Variants in FOXP2 observed in about 807,000 individuals in gnomAD.
FOXP2 encodes the protein forkhead box P2, also known as forkhead box protein P2.
In FOXP2, 12 loss-of-function variants were observed where a neutral mutation model predicts 115.8. The ratio of observed to expected loss-of-function variants is 0.10; its 90% CI spans 0.07 to 0.17. The LOEUF (loss-of-function observed/expected upper bound fraction) is 0.17. Among genes scored for constraint, FOXP2 ranks in the 10% least tolerant of loss-of-function variants. The pLI, the probability that FOXP2 is intolerant of heterozygous loss-of-function variation, is 1.00. For missense variants in FOXP2, 629 were observed against 843.5 expected (o/e 0.75, Z 3.15); for synonymous variants, 328 against 297.7 (o/e 1.10, Z -1.05).
At chr7:114,363,243 G>T (rs1791793870) in intron 2 of FOXP2, among the ~76,000 whole-genome samples, 2 of 152,064 alleles carry the variant, frequency 1.3e-5, no homozygotes, top group Admixed American at 6.6e-5. Context: ...TAGAAGTGTG[G>T]AAGAGAAGAC....
intron 3 of FOXP2, among the ~76,000 whole-genome samples, chr7:114,605,181 C>T (rs1292060455): frequency 6.6e-6 from 1 of 152,124 alleles, no homozygotes; most frequent in Non-Finnish European, 1.5e-5. Flanking sequence ...CTCACATTTA[C>T]ATGTTTTTTT....
At position 114,628,694 on chromosome 7, in the gene FOXP2, G is replaced by T. The variant is rs1210788372; in HGVS notation, c.396+17G>T. The T allele has an allele frequency of 5.0e-6, 8 of 1,613,754 alleles. No individual in the cohort carries two copies. The South Asian group carries it at 6.6e-5, about 13-fold the overall frequency. On this transcript the variant is annotated intron_variant, in intron 4 of 16. Transcript: ENST00000350908. ...CTGCAGCAGGTAATGTGGGTTACCTGCTTTGGTGTTCTAGCATGACTTAGA... is the reference window on the plus strand; with the variant it reads ...CTGCAGCAGGTAATGTGGGTTACCTTCTTTGGTGTTCTAGCATGACTTAGA...
chr7:114,627,087 G>T (rs1804630524), intron 3 of FOXP2, among the ~76,000 whole-genome samples: 2 of 150,992 alleles, frequency 1.3e-5, no homozygotes, highest in African/African-American at 2.4e-5. Flanking sequence ...GAAAGGTTTT[G>T]ATTTATTTAG....
intron 10 of FOXP2, among the ~76,000 whole-genome samples, chr7:114,654,484 C>G (rs1383492734): frequency 6.6e-6 from 1 of 151,972 alleles, no homozygotes; most frequent in Non-Finnish European, 1.5e-5. Flanking sequence ...TGTCCTATTT[C>G]TTTGGTTATT....
chr7:114,362,982 T>G (rs1247315907), intron 2 of FOXP2, among the ~76,000 whole-genome samples: 1 of 152,030 alleles, frequency 6.6e-6, no homozygotes, highest in African/African-American at 2.4e-5. Context: ...TCAACATTTC[T>G]CAATGACTTT....
intron 1 of FOXP2, among the ~76,000 whole-genome samples, chr7:114,198,620 G>A (rs535824237): frequency 6.6e-6 from 1 of 152,158 alleles, no homozygotes; most frequent in Non-Finnish European, 1.5e-5. Context: ...GTGGTAAATG[G>A]TCACTTGGCG....
At chr7:114,199,493 G>A (rs138315039) in intron 1 of FOXP2, among the ~76,000 whole-genome samples, 168 of 152,256 alleles carry the variant, frequency 1.1e-3, no homozygotes, top group Non-Finnish European at 1.6e-3. Flanking sequence ...TGTCAACAAT[G>A]TGGAAGCATT....
intron 1 of FOXP2, among the ~76,000 whole-genome samples, chr7:114,186,197 C>T (rs919156375): frequency 1.3e-5 from 2 of 152,116 alleles, no homozygotes; most frequent in Admixed American, 6.5e-5. Context: ...TAACGTCCTT[C>T]TAACATACAA....
intron 3 of FOXP2, among the ~76,000 whole-genome samples, chr7:114,612,613 C>A (rs1285994934): frequency 5.9e-5 from 9 of 151,540 alleles, no homozygotes; most frequent in Admixed American, 2.6e-4. Context: ...GGAAGCCTGA[C>A]TCTAAATTAG....
At chr7:114,145,495 T>C (rs891036465) in intron 1 of FOXP2, among the ~76,000 whole-genome samples, 1 of 144,968 alleles carries the variant, frequency 6.9e-6, no homozygotes, top group African/African-American at 2.6e-5. Flanking sequence ...TCTTTTCTTT[T>C]CTTTCCTTTT....
intron 2 of FOXP2, among the ~76,000 whole-genome samples, chr7:114,357,711 A>C (rs868630974): frequency 6.6e-6 from 1 of 152,126 alleles, no homozygotes; most frequent in South Asian, 2.1e-4. Context: ...GTTGTCAAAT[A>C]CTTTAACTCC....
In FOXP2 at chr7:114,692,262, A is replaced by G. The variant is rs1162016831; in HGVS notation, c.*2336A>G. ...AAGACTACAATGCTAAAGTATGCAT[A>G]CCTCAGTTAGAAAACTTTTGAAAGG... On this transcript the variant is annotated 3_prime_UTR_variant, in exon 17 of 17. Transcript: ENST00000350908. 4.4e-6 allele frequency: 2 copies of G among 453,874 alleles called. No individual in the cohort carries two copies. The highest frequency in any genetic ancestry group is 2.0e-5 in the African/African-American group (1 of 49,984). The allele number at this position is 453,874 out of a possible 1,614,324, so 28.1% of individuals were successfully genotyped here.
intron 1 of FOXP2, among the ~76,000 whole-genome samples, chr7:114,222,751 A>C (rs1794655325): frequency 6.6e-6 from 1 of 152,184 alleles, no homozygotes; most frequent in Non-Finnish European, 1.5e-5. Flanking sequence ...GCTTTTAAAG[A>C]AGGGACAGTT....
At chr7:114,198,557 G>A (rs986882658) in intron 1 of FOXP2, among the ~76,000 whole-genome samples, 6 of 152,172 alleles carry the variant, frequency 3.9e-5, no homozygotes, top group Non-Finnish European at 8.8e-5. Context: ...AATAGGGCTC[G>A]CACTTCCGTG....
At chr7:114,443,706 C>G (rs573727819) in intron 2 of FOXP2, among the ~76,000 whole-genome samples, 1 of 152,026 alleles carries the variant, frequency 6.6e-6, no homozygotes, top group African/African-American at 2.4e-5. Flanking sequence ...AGTTTACATA[C>G]GATAATGGCC....
rs1808694754 is a variant in FOXP2, at chr7:114,692,000, A to G, written c.*2074A>G. ...TATGGCAGATTGCATGAAACGTGAG[A>G]ACGTCACAGTAACTGCTACTTTTCA... On this transcript the variant is annotated 3_prime_UTR_variant, in exon 17 of 17. Transcript: ENST00000350908. 1 of 448,900 alleles carries G rather than the reference A, an allele frequency of 2.2e-6. No homozygotes were observed. The highest frequency in any genetic ancestry group is 4.4e-6 in the Non-Finnish European group (1 of 225,188). 27.8% of individuals were successfully genotyped at this position (448,900 alleles called of 1,614,324 possible).
In FOXP2 at chr7:114,091,636, T is replaced by C. The variant is rs1415930589; in HGVS notation, c.-247+3798T>C. Reference sequence around the variant, plus strand: ...CAATTTCATCTTTAATACATTATATTTTAATGATTTACAGCTGGATTCACT... The same window carrying C: ...CAATTTCATCTTTAATACATTATATCTTAATGATTTACAGCTGGATTCACT... On this transcript the variant is annotated intron_variant, in intron 1 of 19. Coordinates refer to the FOXP2 transcript ENST00000635638. Among the ~76,000 whole-genome samples, 20 of 152,040 alleles carry C rather than the reference T, an allele frequency of 1.3e-4. No homozygotes were observed. The South Asian group carries it at 3.9e-3, about 30-fold the overall frequency.
chr7:114,200,399 T>G (rs1794029435), intron 1 of FOXP2, among the ~76,000 whole-genome samples: 3 of 152,210 alleles, frequency 2.0e-5, no homozygotes, highest in Non-Finnish European at 4.4e-5. Flanking sequence ...CTGCATCATA[T>G]TCACTTTACT....
At chr7:114,362,914 G>A (rs983074951) in intron 2 of FOXP2, among the ~76,000 whole-genome samples, 2 of 152,022 alleles carry the variant, frequency 1.3e-5, no homozygotes, top group Non-Finnish European at 2.9e-5. Flanking sequence ...ACTTGTTAAA[G>A]GGTGGATGAC....
Sources: allele counts gnomAD v4.1 joint callset (sites outside exome capture counted in the v4.1 genomes callset), GRCh38; gene constraint gnomAD v4.1.1; transcripts MANE v1.5; gene names NCBI Gene and HGNC (gene_info 2026-07-23, HGNC 2026-07-21).